Variants in ACSL1 observed in about 807,000 individuals in gnomAD.
ACSL1 encodes long-chain-fatty-acid--CoA ligase 1.
A neutral mutation model predicts 98.4 loss-of-function variants in ACSL1; 41 were observed. That is an observed-to-expected ratio of 0.42 (90% confidence interval 0.32 to 0.54). The LOEUF is 0.54. Ranked by LOEUF, ACSL1 falls within the 20% of genes least tolerant of loss-of-function variation. The pLI, the probability that ACSL1 is intolerant of heterozygous loss-of-function variation, is 0.13. For synonymous variants in ACSL1, 316 were observed against 322.7 expected, an observed-to-expected ratio of 0.98 and a Z score of 0.22; for missense variants, 734 against 883.1, an observed-to-expected ratio of 0.83 and a Z score of 2.14.
At chr4:184,819,372 A>C (rs1249010183) in intron 1 of ACSL1, among the ~76,000 whole-genome samples, 1 of 151,884 alleles carries the variant, frequency 6.6e-6, no homozygotes, top group Non-Finnish European at 1.5e-5. Context: ...CGAACTCCTG[A>C]CCTCAGATGA....
At position 184,768,433 on chromosome 4, in the gene ACSL1, A is replaced by G. The variant is rs1763961607; in HGVS notation, c.1011T>C (p.His337=). The change falls in exon 12 of 21, where the codon CAT becomes CAC. Residue 337 remains histidine (H), a synonymous_variant. Transcript: ENST00000281455. ...CTTGGAAAAATCCGATTTTAGCTCC[A>G]TGACACAGCATTACACACTATAGGG... ...ERVVECVMLC[H]GAKIGFFQGD... 3.7e-6 allele frequency: 6 copies of G among 1,613,780 alleles called. No individual in the cohort carries two copies. The highest frequency in any genetic ancestry group is 2.7e-5 in the African/African-American group (2 of 75,024).
intron 1 of ACSL1, among the ~76,000 whole-genome samples, chr4:184,822,572 A>G (rs952329275): frequency 3.3e-5 from 5 of 152,034 alleles, no homozygotes; most frequent in African/African-American, 9.7e-5. Flanking sequence ...CCGCTTCACT[A>G]CGAAAAAAAT....
rs1302755739 is a variant in ACSL1 at position 184,803,291 on chromosome 4, G to A, written c.195+29C>T. The A allele has an allele frequency of 3.0e-5, 45 of 1,496,082 alleles. No individual in the cohort carries two copies. The highest frequency in any genetic ancestry group is 3.9e-5 in the Non-Finnish European group (44 of 1,116,718). The allele number at this position is 1,496,082 out of a possible 1,614,324, so 92.7% of individuals were successfully genotyped here. A position where few individuals can be genotyped will look rare whatever the true frequency, so the allele number is the denominator to read the frequency against. On this transcript the variant is annotated intron_variant, in intron 2 of 20. Transcript: ENST00000281455. The surrounding 1 kb of genome is among the most constrained non-coding windows in gnomAD (Gnocchi z 4.8). ...TCATCTGGGGAAATGCGGAGAAAAC[G>A]CACGAGGCAGGCTGGGCCCTCCACT...
At position 184,766,091 on chromosome 4, in the gene ACSL1, TGCAGACCACAC is replaced by T. The variant is rs1187875248; in HGVS notation, c.1264-116_1264-106del. ...GGGACCCCGTTCCCTAACCCATAGC[TGCAGACCACAC>T]GGAGGCCACACGGAGAACTCACAGC... is the stretch of plus-strand genomic sequence containing the variant. On this transcript the variant is annotated intron_variant, in intron 13 of 20. Coordinates refer to ENST00000281455, the MANE Select transcript of ACSL1 (RefSeq NM_001995.5). This position sits in a 1 kb window ranked among gnomAD's most constrained non-coding sequence, Gnocchi z 4.8. 9.8e-7 allele frequency: 1 copy of T among 1,022,490 alleles called. No individual in the cohort carries two copies. Among genetic ancestry groups the T allele is most frequent in the Admixed American group, 2.1e-5 (1 of 46,732 alleles). The allele number at this position is 1,022,490 out of a possible 1,614,324, so 63.3% of individuals were successfully genotyped here.
At chr4:184,815,926 G>T (rs778466012) in intron 1 of ACSL1, among the ~76,000 whole-genome samples, 1 of 152,062 alleles carries the variant, frequency 6.6e-6, no homozygotes, top group East Asian at 1.9e-4. Context: ...TTCAAGCCCA[G>T]CCTGGCCAAC....
chr4:184,762,873 C>T (rs1763050149), intron 16 of ACSL1, among the ~76,000 whole-genome samples: 1 of 152,242 alleles, frequency 6.6e-6, no homozygotes, highest in South Asian at 2.1e-4. Context: ...GGGCAATCAA[C>T]AGGCAGGACC....
intron 18 of ACSL1, chr4:184,758,924 C>G (rs1282599219): frequency 7.7e-6 from 1 of 129,408 alleles, no homozygotes; most frequent in Non-Finnish European, 1.6e-5. Flanking sequence ...AACAGGCCCT[C>G]GTGTGTGATG....
intron 5 of ACSL1, among the ~76,000 whole-genome samples, chr4:184,779,386 C>T (rs6854220): frequency 0.018 from 2,797 of 152,270 alleles, 81 homozygotes; most frequent in African/African-American, 0.058. Flanking sequence ...TTCTGAGGCC[C>T]CCCCAGCCAT....
At chr4:184,808,006 C>T (rs1392896879) in intron 1 of ACSL1, among the ~76,000 whole-genome samples, 1 of 152,202 alleles carries the variant, frequency 6.6e-6, no homozygotes, top group Non-Finnish European at 1.5e-5. Flanking sequence ...CCAGTACTCA[C>T]ACTCCCAGGT....
intron 1 of ACSL1, among the ~76,000 whole-genome samples, chr4:184,808,137 G>T (rs1039126626): frequency 2.0e-5 from 3 of 152,104 alleles, no homozygotes; most frequent in Non-Finnish European, 4.4e-5. Flanking sequence ...TATACACAAA[G>T]GTTCACCTCT....
chr4:184,760,869 T>C (rs1234953738), intron 17 of ACSL1, among the ~76,000 whole-genome samples: 1 of 152,212 alleles, frequency 6.6e-6, no homozygotes, highest in Non-Finnish European at 1.5e-5. Flanking sequence ...AGTTCCTTAA[T>C]AGCAGGAACA....
chr4:184,806,590 CAG>C (rs1265552085), intron 1 of ACSL1, among the ~76,000 whole-genome samples: 1 of 152,050 alleles, frequency 6.6e-6, no homozygotes, highest in Non-Finnish European at 1.5e-5. Flanking sequence ...CAGTCAGACA[CAG>C]GGGATTAATT....
chr4:184,781,229 C>CAAAAAAAAAAAAA (rs34392146), intron 4 of ACSL1, among the ~76,000 whole-genome samples: 1 of 70,114 alleles, frequency 1.4e-5, no homozygotes, highest in Non-Finnish European at 2.6e-5. Flanking sequence ...GACTCCATCT[C>CAAAAAAAAAAAAA]AAAAAAAAAA....
At chr4:184,797,396 G>A (rs1769609459) in intron 2 of ACSL1, among the ~76,000 whole-genome samples, 1 of 152,222 alleles carries the variant, frequency 6.6e-6, no homozygotes, top group Non-Finnish European at 1.5e-5. Flanking sequence ...ACGTGGAAAT[G>A]AGGGATTCCA....
chr4:184,791,093 C>G (rs1403880504), intron 2 of ACSL1, among the ~76,000 whole-genome samples: 3 of 152,226 alleles, frequency 2.0e-5, no homozygotes, highest in Non-Finnish European at 4.4e-5. Flanking sequence ...TGGCCGCCCA[C>G]AGGGAGGTCC....
At chr4:184,804,587 GA>G (rs56884755) in intron 1 of ACSL1, among the ~76,000 whole-genome samples, 4,178 of 94,070 alleles carry the variant, frequency 0.044, 145 homozygotes, top group African/African-American at 0.12. Context: ...TCTCAAAAAA[GA>G]AAAAAAAAAA....
At position 184,766,084 on chromosome 4, in the gene ACSL1, C is replaced by T. The variant is rs188175947; in HGVS notation, c.1264-98G>A. 99 of 1,116,700 alleles carry T rather than the reference C, an allele frequency of 8.9e-5. No homozygotes were observed. The Admixed American group carries it at 1.5e-3, about 17-fold the overall frequency. The allele number at this position is 1,116,700 out of a possible 1,614,324, so 69.2% of individuals were successfully genotyped here. Reference sequence around the variant, plus strand: ...CCTGCTTGGGACCCCGTTCCCTAACCCATAGCTGCAGACCACACGGAGGCC... The same window carrying T: ...CCTGCTTGGGACCCCGTTCCCTAACTCATAGCTGCAGACCACACGGAGGCC... On this transcript the variant is annotated intron_variant, in intron 13 of 20. Coordinates refer to ENST00000281455, the MANE Select transcript of ACSL1 (RefSeq NM_001995.5). The surrounding 1 kb of genome is among the most constrained non-coding windows in gnomAD (Gnocchi z 4.8).
chr4:184,820,229 G>A (rs1772955183), intron 1 of ACSL1, among the ~76,000 whole-genome samples: 2 of 152,192 alleles, frequency 1.3e-5, no homozygotes, highest in Non-Finnish European at 1.5e-5. Context: ...GTGTTAGCCA[G>A]GATGGTCTTG....
At chr4:184,758,055 C>G (rs984080090) in intron 18 of ACSL1, 135 bp from the exon 19 acceptor site, 4 of 788,798 alleles carry the variant, frequency 5.1e-6, no homozygotes, top group Non-Finnish European at 8.1e-6. Context: ...AACATACTAC[C>G]CCCCTCCCCC....
Sources: allele counts gnomAD v4.1 joint callset (sites outside exome capture counted in the v4.1 genomes callset), GRCh38; gene constraint gnomAD v4.1.1; non-coding constraint Gnocchi (gnomAD v3.1); transcripts MANE v1.5; gene names NCBI Gene and HGNC (gene_info 2026-07-23, HGNC 2026-07-21).